The following TUBGCP3 variants were observed in gnomAD, a reference collection of about 807,000 sequenced individuals.
The protein encoded by TUBGCP3 is tubulin gamma complex component 3.
Under a neutral mutation model 123.1 loss-of-function variants are expected in TUBGCP3, and 50 were observed. The ratio of observed to expected loss-of-function variants is 0.41; its 90% CI spans 0.32 to 0.51. The LOEUF (loss-of-function observed/expected upper bound fraction) is 0.51. Ranked by LOEUF, TUBGCP3 falls within the 20% of genes least tolerant of loss-of-function variation. TUBGCP3 has a pLI of 0.36. For synonymous variants in TUBGCP3, 405 were observed against 413.9 expected, an observed-to-expected ratio of 0.98 and a Z score of 0.26; for missense variants, 882 against 1,127.0, an observed-to-expected ratio of 0.78 and a Z score of 3.11.
At chr13:112,517,102 C>T (rs1176781129) in intron 16 of TUBGCP3, among the ~76,000 whole-genome samples, 3 of 152,116 alleles carry the variant, frequency 2.0e-5, no homozygotes, top group Non-Finnish European at 2.9e-5. Context: ...CTGCAACCTC[C>T]GCCTCCTGGG....
At chr13:112,490,114 A>T (rs1879978799) in intron 20 of TUBGCP3, among the ~76,000 whole-genome samples, 2 of 152,326 alleles carry the variant, frequency 1.3e-5, no homozygotes, top group East Asian at 3.9e-4. Flanking sequence ...TCTTGACTTT[A>T]GTGAGAATGC....
At chr13:112,516,359 G>A (rs750190829) in intron 17 of TUBGCP3, 81 bp downstream of exon 17, 78 of 1,394,436 alleles carry the variant, frequency 5.6e-5, no homozygotes, top group Middle Eastern at 2.6e-4. Flanking sequence ...TAACTTCTGC[G>A]GAGTTGCTGG....
the TUBGCP3 span, chr13:112,605,416 T>C: frequency 0.17 from 25,113 of 152,050 alleles, 3,183 homozygotes; most frequent in African/African-American, 0.35. Context: ...TCACACAGGC[T>C]CTTTATCCCA....
At chr13:112,564,370 T>C (rs1435623388) in intron 3 of TUBGCP3, among the ~76,000 whole-genome samples, 1 of 152,256 alleles carries the variant, frequency 6.6e-6, no homozygotes, top group African/African-American at 2.4e-5. Context: ...ACAGTATTTG[T>C]TGCGCAAAGC....
chr13:112,503,334 T>C (rs2138998088), intron 19 of TUBGCP3, among the ~76,000 whole-genome samples: 1 of 152,258 alleles, frequency 6.6e-6, no homozygotes, highest in East Asian at 1.9e-4. Context: ...TCGCGAAAAA[T>C]GTCATACATG....
chr13:112,553,682 A>C (rs183520299), intron 8 of TUBGCP3, among the ~76,000 whole-genome samples: 2 of 152,280 alleles, frequency 1.3e-5, no homozygotes, highest in East Asian at 3.9e-4. Context: ...CGCAGCTGGG[A>C]GTGTCCCCTG....
At chr13:112,600,551 A>G in the TUBGCP3 span, among the ~76,000 whole-genome samples, 16 of 152,316 alleles carry the variant, frequency 1.1e-4, no homozygotes, top group African/African-American at 3.8e-4. Context: ...AGATGGATAA[A>G]TTACTTTAGA....
Position 112,552,716 on chromosome 13 carries a change from A to G in TUBGCP3, c.966+1341T>C, listed in dbSNP as rs574334149. On this transcript the variant is annotated intron_variant, in intron 8 of 21. Transcript: ENST00000261965. ...GCCTCGCTTCAAAGCTCAAAGTGTG[A>G]TGCCTACTCAGCAGCCACGCTGCCA... is the stretch of plus-strand genomic sequence containing the variant. 5.9e-5 allele frequency among the ~76,000 whole-genome samples: 9 copies of G among 152,216 alleles called. No individual in the cohort carries two copies. In the South Asian group the frequency reaches 1.9e-3, roughly 32 times the overall value.
intron 20 of TUBGCP3, chr13:112,498,793 CAGG>C: frequency 1.3e-6 from 2 of 1,548,970 alleles, no homozygotes; most frequent in East Asian, 4.9e-5. Context: ...TGAAAACGGG[CAGG>C]AGATTTGTAA....
chr13:112,516,917 A>G (rs953476976), intron 16 of TUBGCP3, among the ~76,000 whole-genome samples: 12 of 152,312 alleles, frequency 7.9e-5, no homozygotes, highest in Non-Finnish European at 1.8e-4. Context: ...AGTAGCTCCT[A>G]AGGGTGGTGA....
In TUBGCP3 at chr13:112,508,260, AT is replaced by A. The variant is rs1342291051; in HGVS notation, c.2087-3547del. Among the ~76,000 whole-genome samples the A allele has an allele frequency of 6.6e-6, 1 of 151,978 alleles. No homozygotes were observed. Among genetic ancestry groups the A allele is most frequent in the African/African-American group, 2.4e-5 (1 of 41,362 alleles). On this transcript the variant is annotated intron_variant, in intron 17 of 21. Transcript: ENST00000261965. The surrounding 1 kb of genome is among the most constrained non-coding windows in gnomAD (Gnocchi z 4.2). Reference sequence around the variant, plus strand: ...ACCCGTATCCCCTCACTCTGAATCCATCTATTCCTCCTCTGTGATTTTCAGC... The same window carrying A: ...ACCCGTATCCCCTCACTCTGAATCCACTATTCCTCCTCTGTGATTTTCAGC...
chr13:112,595,537 G>T, the TUBGCP3 span, among the ~76,000 whole-genome samples: 2 of 152,240 alleles, frequency 1.3e-5, no homozygotes, highest in African/African-American at 4.8e-5. Context: ...GTGTATATAT[G>T]TTTAAAATTG....
chr13:112,554,836 G>A (rs2139212214), intron 7 of TUBGCP3, 51 bp downstream of exon 7: 1 of 1,349,078 alleles, frequency 7.4e-7, no homozygotes, highest in South Asian at 1.3e-5. Context: ...TGGACTTCAT[G>A]ACATGTTTTT....
At chr13:112,506,927 G>A (rs1175653482) in intron 17 of TUBGCP3, among the ~76,000 whole-genome samples, 1 of 152,212 alleles carries the variant, frequency 6.6e-6, no homozygotes, top group African/African-American at 2.4e-5. Flanking sequence ...AGAGGACTGT[G>A]TCTTACCCCA....
At chr13:112,507,238 C>T (rs1320905811) in intron 17 of TUBGCP3, among the ~76,000 whole-genome samples, 2 of 152,206 alleles carry the variant, frequency 1.3e-5, no homozygotes, top group African/African-American at 4.8e-5. Context: ...CTCACCCTGA[C>T]ATCCGATGTC....
chr13:112,544,273 G>A (rs1594172626), intron 11 of TUBGCP3, among the ~76,000 whole-genome samples: 1 of 152,088 alleles, frequency 6.6e-6, no homozygotes, highest in South Asian at 2.1e-4. Flanking sequence ...CTAACACAGT[G>A]AAACCCCGTC....
chr13:112,552,785 CGCTCTTCCCCATCAGCCAT>C (rs1183755457), intron 8 of TUBGCP3, among the ~76,000 whole-genome samples: 1 of 151,026 alleles, frequency 6.6e-6, no homozygotes, highest in Non-Finnish European at 1.5e-5. Flanking sequence ...CCACCAGCCA[CGCTCTTCCCCATCAGCCAT>C]GCTCCTACTC....
intron 11 of TUBGCP3, among the ~76,000 whole-genome samples, chr13:112,533,377 T>G (rs933336872): frequency 6.6e-6 from 1 of 152,168 alleles, no homozygotes; most frequent in Non-Finnish European, 1.5e-5. Context: ...CCCATGCATC[T>G]CTCATGTTTG....
At chr13:112,495,143 A>G (rs1205664161) in intron 20 of TUBGCP3, among the ~76,000 whole-genome samples, 1 of 152,202 alleles carries the variant, frequency 6.6e-6, no homozygotes, top group Non-Finnish European at 1.5e-5. Context: ...TGCCCAGACC[A>G]ATGTCCTAGA....
Sources: gnomAD v4.1 joint callset for allele counts (sites outside exome capture counted in the v4.1 genomes callset) on GRCh38, gnomAD v4.1.1 for gene constraint, Gnocchi (gnomAD v3.1) non-coding constraint, MANE v1.5 for transcripts, NCBI Gene and HGNC (gene_info 2026-07-23, HGNC 2026-07-21) for gene names.